The following SIPA1L1 variants were observed in gnomAD, a reference collection of about 807,000 sequenced individuals.
SIPA1L1 encodes the protein signal induced proliferation associated 1 like 1.
A neutral mutation model predicts 162.7 loss-of-function variants in SIPA1L1; 26 were observed. That is an observed-to-expected ratio of 0.16 (90% CI 0.12 to 0.22). The LOEUF (loss-of-function observed/expected upper bound fraction) is 0.22. Among genes scored for constraint, SIPA1L1 ranks in the 10% least tolerant of loss-of-function variants. SIPA1L1 has a pLI of 1.00. For synonymous variants in SIPA1L1, 829 were observed against 837.4 expected (o/e 0.99, Z 0.17); for missense variants, 1,874 against 2,241.0 (o/e 0.84, Z 3.31).
At chr14:71,591,153 A>G (rs138043237) in intron 5 of SIPA1L1, among the ~76,000 whole-genome samples, 1 of 152,298 alleles carries the variant, frequency 6.6e-6, no homozygotes, top group East Asian at 1.9e-4. Flanking sequence ...ATTAGGCAGT[A>G]TAATAATATT....
At chr14:71,553,796 T>G (rs775837819) in intron 4 of SIPA1L1, among the ~76,000 whole-genome samples, 5 of 152,208 alleles carry the variant, frequency 3.3e-5, no homozygotes, top group African/African-American at 4.8e-5. Flanking sequence ...AATATCAGAA[T>G]GTATGTAACC....
intron 12 of SIPA1L1, among the ~76,000 whole-genome samples, chr14:71,680,384 C>T (rs1162157293): frequency 6.6e-6 from 1 of 152,156 alleles, no homozygotes; most frequent in African/African-American, 2.4e-5. Flanking sequence ...CCAATGAGAA[C>T]AAAGACACAA....
chr14:71,410,121 C>CAAA (rs775570712), intron 2 of SIPA1L1, among the ~76,000 whole-genome samples: 15 of 152,156 alleles, frequency 9.9e-5, no homozygotes, highest in Non-Finnish European at 2.1e-4. Context: ...GTGTAGTTTA[C>CAAA]AAAAATATGG....
chr14:71,540,318 G>A (rs543532533), intron 4 of SIPA1L1, among the ~76,000 whole-genome samples: 3 of 152,258 alleles, frequency 2.0e-5, no homozygotes, highest in Admixed American at 2.0e-4. Flanking sequence ...AGTGCATACT[G>A]AAATCAAAAT....
chr14:71,619,364 G>A (rs1194601355), intron 6 of SIPA1L1, among the ~76,000 whole-genome samples: 1 of 152,088 alleles, frequency 6.6e-6, no homozygotes, highest in African/African-American at 2.4e-5. Flanking sequence ...ACTATCTTTG[G>A]GACCCATTGT....
chr14:71,594,261 C>G (rs1052286176), intron 5 of SIPA1L1, among the ~76,000 whole-genome samples: 1 of 152,186 alleles, frequency 6.6e-6, no homozygotes, highest in Non-Finnish European at 1.5e-5. Context: ...CATATACTCT[C>G]AATTTTGCTA....
intron 2 of SIPA1L1, among the ~76,000 whole-genome samples, chr14:71,417,169 T>C (rs2042831612): frequency 6.6e-6 from 1 of 152,086 alleles, no homozygotes; most frequent in Non-Finnish European, 1.5e-5. Context: ...ATGTATTATA[T>C]ACTGTGTTGT....
chr14:71,353,326 C>T (rs1485326855), intron 2 of SIPA1L1, among the ~76,000 whole-genome samples: 3 of 152,160 alleles, frequency 2.0e-5, no homozygotes, highest in Non-Finnish European at 4.4e-5. Context: ...AGTAAGGTCA[C>T]TAATCATACA....
chr14:71,663,766 C>T (rs1378868423), intron 10 of SIPA1L1, among the ~76,000 whole-genome samples: 2 of 152,082 alleles, frequency 1.3e-5, no homozygotes, highest in African/African-American at 2.4e-5. Context: ...GAAGTCTTTG[C>T]GGGAAGTGGG....
chr14:71,676,368 C>T (rs2045178556), intron 12 of SIPA1L1, among the ~76,000 whole-genome samples: 2 of 151,730 alleles, frequency 1.3e-5, no homozygotes, highest in African/African-American at 4.8e-5. Flanking sequence ...TATGCAGACC[C>T]CTTATGAATC....
At chr14:71,506,402 G>A (rs542654924) in intron 2 of SIPA1L1, among the ~76,000 whole-genome samples, 6 of 152,126 alleles carry the variant, frequency 3.9e-5, no homozygotes, top group Admixed American at 6.5e-5. Context: ...GTGCAGTGGC[G>A]TGATCTCGGC....
chr14:71,518,381 C>T (rs1472530519), intron 3 of SIPA1L1, among the ~76,000 whole-genome samples: 1 of 152,070 alleles, frequency 6.6e-6, no homozygotes, highest in Non-Finnish European at 1.5e-5. Flanking sequence ...AGTTTAATTT[C>T]CCTCCACATG....
chr14:71,586,910 C>T (rs940861508), intron 4 of SIPA1L1: 4 of 152,034 alleles, frequency 2.6e-5, no homozygotes, highest in Admixed American at 2.6e-4. Context: ...TGGATTCATT[C>T]TGCAATATCC....
At chr14:71,344,485 G>T (rs1402760393) in intron 2 of SIPA1L1, among the ~76,000 whole-genome samples, 2 of 152,166 alleles carry the variant, frequency 1.3e-5, no homozygotes, top group African/African-American at 4.8e-5. Context: ...ATGTCCAATA[G>T]ATGTTGGACC....
intron 2 of SIPA1L1, among the ~76,000 whole-genome samples, chr14:71,405,718 C>A (rs975035163): frequency 1.3e-5 from 2 of 152,100 alleles, no homozygotes; most frequent in Non-Finnish European, 2.9e-5. Flanking sequence ...AAGGGACTAG[C>A]ACCAAAAAAT....
At chr14:71,525,452 G>C (rs539694163) in intron 3 of SIPA1L1, among the ~76,000 whole-genome samples, 4 of 152,316 alleles carry the variant, frequency 2.6e-5, no homozygotes, top group African/African-American at 9.6e-5. Flanking sequence ...CAAAGTGCTG[G>C]GATTACAGGC....
At position 71,725,711 on chromosome 14, in the gene SIPA1L1, T is replaced by C. The variant is rs142530094; in HGVS notation, c.4614+876T>C. ...GTGTTTATTGAGCTGGGCCTGAAGT[T>C]ACGTCACTCTGAGTATAGGTATTTC... On this transcript the variant is annotated intron_variant, in intron 19 of 23. Transcript: ENST00000381232. Among the ~76,000 whole-genome samples the C allele has an allele frequency of 4.6e-5, 7 of 152,318 alleles. No homozygotes were observed. The East Asian group carries it at 1.4e-3, about 29-fold the overall frequency.
At chr14:71,708,824 A>G (rs2082665472) in intron 16 of SIPA1L1, among the ~76,000 whole-genome samples, 1 of 152,132 alleles carries the variant, frequency 6.6e-6, no homozygotes, top group African/African-American at 2.4e-5. Flanking sequence ...TCAGCCTTCT[A>G]TTTACTCTGA....
chr14:71,453,436 T>A (rs929955989), intron 2 of SIPA1L1, among the ~76,000 whole-genome samples: 4 of 152,106 alleles, frequency 2.6e-5, no homozygotes, highest in African/African-American at 9.7e-5. Flanking sequence ...GCTAATTTTT[T>A]AAATTTTTAG....
Sources: allele counts gnomAD v4.1 joint callset (sites outside exome capture counted in the v4.1 genomes callset), GRCh38; gene constraint gnomAD v4.1.1; transcripts MANE v1.5; gene names NCBI Gene and HGNC (gene_info 2026-07-23, HGNC 2026-07-21).